Variants in TENM1 observed in about 807,000 individuals in gnomAD.
TENM1 encodes teneurin-1.
Under a neutral mutation model 174.8 loss-of-function variants are expected in TENM1, and 35 were observed. That is an observed-to-expected ratio of 0.20 (90% CI 0.15 to 0.27). The LOEUF (loss-of-function observed/expected upper bound fraction) is 0.27, where lower values mean the gene tolerates loss of function less well. TENM1 is among the 10% of genes least tolerant of loss of function. TENM1 has a pLI of 1.00. For synonymous variants in TENM1, 781 were observed against 798.7 expected, an observed-to-expected ratio of 0.98 and a Z score of 0.37; for missense variants, 1,633 against 2,130.1, an observed-to-expected ratio of 0.77 and a Z score of 4.59.
chrX:124,740,884 A>C (rs1348695810), intron 3 of TENM1, among the ~76,000 whole-genome samples: 1 of 111,591 alleles, frequency 9.0e-6, no homozygotes, highest in Non-Finnish European at 1.9e-5. Flanking sequence ...TCACTTCCAA[A>C]TGTATCTGGC....
At chrX:124,649,221 T>A (rs899286448) in intron 8 of TENM1, among the ~76,000 whole-genome samples, 2 of 112,833 alleles carry the variant, frequency 1.8e-5, no homozygotes, top group Non-Finnish European at 3.7e-5. Flanking sequence ...AAGTTCTATG[T>A]TTAAACCCTG....
At chrX:125,047,091 C>T in the TENM1 span, among the ~76,000 whole-genome samples, 1 of 110,903 alleles carries the variant, frequency 9.0e-6, no homozygotes, top group African/African-American at 3.3e-5. Context: ...CGAGAGGCCA[C>T]AAACTGACTT....
At chrX:125,055,694 G>C in the TENM1 span, among the ~76,000 whole-genome samples, 1 of 111,685 alleles carries the variant, frequency 9.0e-6, no homozygotes. Context: ...GACCAGTGCC[G>C]AGGAGCATGG....
At chrX:124,382,544 G>T in intron 31 of TENM1, 126 bp downstream of exon 34, 3 of 614,679 alleles carry the variant, frequency 4.9e-6, no homozygotes, top group Non-Finnish European at 7.4e-6. Flanking sequence ...CATTAATTGT[G>T]CACGTTTTAG....
At chrX:124,884,659 G>A (rs1332755433) in intron 3 of TENM1, among the ~76,000 whole-genome samples, 1 of 111,191 alleles carries the variant, frequency 9.0e-6, no homozygotes, top group East Asian at 2.8e-4. Context: ...CTTCTTTGCT[G>A]AATTCTAGCA....
intron 1 of TENM1, among the ~76,000 whole-genome samples, chrX:124,909,339 G>T: frequency 8.9e-6 from 1 of 111,868 alleles, no homozygotes; most frequent in East Asian, 2.8e-4. Context: ...CCTCATTTGT[G>T]CAATGTGAAT....
At chrX:125,155,752 C>T in the TENM1 span, among the ~76,000 whole-genome samples, 1 of 112,827 alleles carries the variant, frequency 8.9e-6, no homozygotes, top group Non-Finnish European at 1.9e-5. Context: ...CCGGCCACTC[C>T]GAGTGTGGGG....
intron 3 of TENM1, among the ~76,000 whole-genome samples, chrX:124,886,548 TAGAGAG>T (rs57122660): frequency 1.5e-4 from 9 of 59,973 alleles, no homozygotes; most frequent in South Asian, 2.2e-3. Context: ...TATATATATA[TAGAGAG>T]AGAGAGAGAG....
chrX:124,672,391 T>C (rs977036934), intron 5 of TENM1, among the ~76,000 whole-genome samples: 1 of 111,617 alleles, frequency 9.0e-6, no homozygotes, highest in Non-Finnish European at 1.9e-5. Flanking sequence ...TTATGCAGAA[T>C]GATTGACATA....
chrX:124,643,196 A>G (rs551846029), intron 10 of TENM1, among the ~76,000 whole-genome samples: 1 of 112,128 alleles, frequency 8.9e-6, no homozygotes, highest in African/African-American at 3.2e-5. Context: ...ATTAAAGAAT[A>G]ATAATTTTAA....
chrX:124,463,633 A>G (rs894123347), intron 22 of TENM1, among the ~76,000 whole-genome samples: 9 of 111,152 alleles, frequency 8.1e-5, no homozygotes, highest in Non-Finnish European at 1.5e-4. Context: ...ATACTACACT[A>G]TTAAATTATT....
the TENM1 span, among the ~76,000 whole-genome samples, chrX:124,974,981 C>T: frequency 3.9e-5 from 4 of 102,691 alleles, no homozygotes; most frequent in East Asian, 8.8e-4. Context: ...TCCCAAAATG[C>T]GGGCCCAGGA....
chrX:124,902,358 A>C (rs1373647532), intron 1 of TENM1, among the ~76,000 whole-genome samples: 1 of 112,447 alleles, frequency 8.9e-6, no homozygotes, highest in African/African-American at 3.2e-5. Flanking sequence ...ATGAATTGCA[A>C]GATTATTGAT....
chrX:124,543,331 G>C (rs1411267583), intron 15 of TENM1, among the ~76,000 whole-genome samples: 1 of 112,529 alleles, frequency 8.9e-6, no homozygotes, highest in Non-Finnish European at 1.9e-5. Flanking sequence ...AGCAACCTCT[G>C]ATATGGACAT....
intron 23 of TENM1, among the ~76,000 whole-genome samples, chrX:124,441,705 T>C (rs2060904024): frequency 8.9e-6 from 1 of 112,400 alleles, no homozygotes; most frequent in Non-Finnish European, 1.9e-5. Flanking sequence ...AAATTGCTGC[T>C]CTATTGTTGT....
the TENM1 span, among the ~76,000 whole-genome samples, chrX:125,138,668 A>T: frequency 1.8e-5 from 2 of 111,068 alleles, no homozygotes; most frequent in East Asian, 5.6e-4. Context: ...TTGAAGAAAC[A>T]GTGACTGGAA....
the TENM1 span, among the ~76,000 whole-genome samples, chrX:125,062,059 C>A: frequency 4.5e-5 from 5 of 111,736 alleles, no homozygotes; most frequent in African/African-American, 1.6e-4. Context: ...AGATTTGGGG[C>A]AAGTCACTTA....
chrX:125,134,039 G>T, the TENM1 span, among the ~76,000 whole-genome samples: 6 of 111,361 alleles, frequency 5.4e-5, no homozygotes, highest in Non-Finnish European at 7.5e-5. Flanking sequence ...TGCCAAGAAA[G>T]GGGGAGTTCT....
the TENM1 span, among the ~76,000 whole-genome samples, chrX:125,196,435 C>G: frequency 9.0e-6 from 1 of 111,618 alleles, no homozygotes; most frequent in Non-Finnish European, 1.9e-5. Context: ...CACATAAACA[C>G]AAACACATTT....
Sources: gnomAD v4.1 joint callset for allele counts (sites outside exome capture counted in the v4.1 genomes callset) on GRCh38, gnomAD v4.1.1 for gene constraint, MANE v1.5 for transcripts, NCBI Gene and HGNC (gene_info 2026-07-23, HGNC 2026-07-21) for gene names.